Variants in RIPOR3 observed in about 807,000 individuals in gnomAD.
RIPOR3 encodes the protein family with sequence similarity 65 member C.
RIPOR3 carries 95 observed loss-of-function variants against 114.3 expected under a neutral mutation model. That is an observed-to-expected ratio of 0.83 (90% CI 0.70 to 0.99). RIPOR3 has a LOEUF of 0.99. Among genes scored for constraint, RIPOR3 ranks in the 50% least tolerant of loss-of-function variants. RIPOR3 has a pLI of 0.00. For missense variants in RIPOR3, 1,252 were observed against 1,266.9 expected (o/e 0.99, Z 0.18); for synonymous variants, 575 against 543.8 (o/e 1.06, Z -0.80).
chr20:50,690,312 C>A (rs1389194610), intron 1 of RIPOR3, among the ~76,000 whole-genome samples: 1 of 152,178 alleles, frequency 6.6e-6, no homozygotes, highest in East Asian at 1.9e-4. Flanking sequence ...ACATATTAAC[C>A]CTCTTCTCTC....
intron 1 of RIPOR3, among the ~76,000 whole-genome samples, chr20:50,652,991 G>A (rs1038927337): frequency 3.3e-5 from 5 of 152,132 alleles, no homozygotes; most frequent in African/African-American, 4.8e-5. Context: ...ATATGTCCAC[G>A]CAAAACCCAT....
chr20:50,626,537 G>A (rs374184334), intron 2 of RIPOR3, among the ~76,000 whole-genome samples: 1 of 152,230 alleles, frequency 6.6e-6, no homozygotes, highest in African/African-American at 2.4e-5. Context: ...CCAACGAGAG[G>A]CAGAGGCCTA....
chr20:50,675,268 C>T (rs573452983), intron 1 of RIPOR3, among the ~76,000 whole-genome samples: 4 of 152,300 alleles, frequency 2.6e-5, no homozygotes, highest in Non-Finnish European at 4.4e-5. Flanking sequence ...TGTGAAAGAA[C>T]GAGTTTCTGT....
chr20:50,660,946 A>AT (rs1158667561), intron 1 of RIPOR3, among the ~76,000 whole-genome samples: 14 of 151,098 alleles, frequency 9.3e-5, no homozygotes, highest in Non-Finnish European at 1.6e-4. Context: ...AAAAAAAAAA[A>AT]TTTTGTAGAG....
chr20:50,609,652 G>A lies in RIPOR3; in HGVS notation c.497C>T (p.Ala166Val). The A allele has an allele frequency of 7.1e-7, 1 of 1,398,694 alleles. No homozygotes were observed. The highest frequency in any genetic ancestry group is 9.3e-7 in the Non-Finnish European group (1 of 1,078,730). The allele number at this position is 1,398,694 out of a possible 1,614,324, so 86.6% of individuals were successfully genotyped here. Residue 166 changes from alanine to valine, a missense_variant, in exon 7 of 22, where the codon GCC becomes GTC. Physicochemically the swap from Ala to Val is moderately conservative, Grantham distance 64. Coordinates refer to ENST00000327979, the MANE Select transcript of RIPOR3 (RefSeq NM_001290268.2). ...LRDGASSMQR[A>V]FARCPPSRAA... ...GCGGCTCGGGGGGCACCGGGCGAAG[G>A]CCCGCTGCATGCTGGAGGCGCCGTC...
intron 1 of RIPOR3, among the ~76,000 whole-genome samples, chr20:50,683,545 T>C (rs1017017754): frequency 6.6e-6 from 1 of 151,828 alleles, no homozygotes; most frequent in Non-Finnish European, 1.5e-5. Flanking sequence ...CTCCAGCTCC[T>C]GGGTTCAAGT....
At chr20:50,682,849 T>C (rs2086902783) in intron 1 of RIPOR3, among the ~76,000 whole-genome samples, 1 of 151,732 alleles carries the variant, frequency 6.6e-6, no homozygotes, top group African/African-American at 2.4e-5. Flanking sequence ...TGCCTCGGCC[T>C]CCCTAGTAGC....
At chr20:50,646,338 C>T (rs1184071162) in intron 1 of RIPOR3, among the ~76,000 whole-genome samples, 1 of 152,040 alleles carries the variant, frequency 6.6e-6, no homozygotes, top group East Asian at 1.9e-4. Context: ...TGTGATGTTG[C>T]CCAGTCTGGT....
chr20:50,610,798 C>G, intron 6 of RIPOR3, 55 bp downstream of exon 6: 1 of 1,611,610 alleles, frequency 6.2e-7, no homozygotes, highest in Admixed American at 1.7e-5. Flanking sequence ...CTAGCTGAGG[C>G]CCAGCAAGCT....
At position 50,627,079 on chromosome 20, in the gene RIPOR3, G is replaced by A. The variant is rs1293604812; in HGVS notation, c.122+3659C>T. 2.0e-5 allele frequency among the ~76,000 whole-genome samples: 3 copies of A among 152,098 alleles called. 1 individual carries two copies. The highest frequency in any genetic ancestry group is 4.4e-5 in the Non-Finnish European group (3 of 68,026). ...TGCCTGTAGTCCCAGCTACTCAGGAGGCTGAGGCAGAAGAATTGCTTGAAC... is the reference window on the plus strand; with the variant it reads ...TGCCTGTAGTCCCAGCTACTCAGGAAGCTGAGGCAGAAGAATTGCTTGAAC... On this transcript the variant is annotated intron_variant, in intron 2 of 21. Coordinates refer to ENST00000327979, the MANE Select transcript of RIPOR3 (RefSeq NM_001290268.2).
intron 1 of RIPOR3, among the ~76,000 whole-genome samples, chr20:50,647,478 CTTTTTTT>C (rs942940961): frequency 1.0e-3 from 105 of 100,352 alleles, no homozygotes; most frequent in African/African-American, 1.0e-3. Context: ...GCCTCATTCT[CTTTTTTT>C]TTTTTTTTTT....
intron 6 of RIPOR3, 56 bp downstream of exon 6, chr20:50,610,797 G>T: frequency 1.2e-6 from 2 of 1,610,528 alleles, no homozygotes; most frequent in East Asian, 4.5e-5. Context: ...CCTAGCTGAG[G>T]CCCAGCAAGC....
chr20:50,688,356 T>C (rs2087097383), intron 1 of RIPOR3, among the ~76,000 whole-genome samples: 1 of 152,110 alleles, frequency 6.6e-6, no homozygotes, highest in African/African-American at 2.4e-5. Flanking sequence ...GGTCTTGTTA[T>C]GTTGCCCAGG....
chr20:50,686,191 G>A (rs868705959), intron 1 of RIPOR3, among the ~76,000 whole-genome samples: 76 of 151,786 alleles, frequency 5.0e-4, no homozygotes, highest in African/African-American at 1.8e-3. Flanking sequence ...CGAGTGGCTG[G>A]GATTACAGGC....
At chr20:50,679,125 A>ATAT (rs1600762089) in intron 1 of RIPOR3, among the ~76,000 whole-genome samples, 1 of 78,976 alleles carries the variant, frequency 1.3e-5, no homozygotes, top group African/African-American at 4.8e-5. Flanking sequence ...AAAAAAAAAA[A>ATAT]AAAAAAAAAA....
rs958229140 is a variant in RIPOR3 at position 50,596,567 on chromosome 20, G to A, written c.1791-304C>T. Among the ~76,000 whole-genome samples, 7 of 152,204 alleles carry A rather than the reference G, an allele frequency of 4.6e-5. 1 individual carries two copies. Among genetic ancestry groups the A allele is most frequent in the African/African-American group, 1.2e-4 (5 of 41,442 alleles). On this transcript the variant is annotated intron_variant, in intron 14 of 21. Coordinates refer to ENST00000327979, the MANE Select transcript of RIPOR3 (RefSeq NM_001290268.2). ...ACGCTGGACAAGTCTGCCTCCCCAA[G>A]GCTCAGGTGACTCATCTATCAAGGG...
At chr20:50,613,066 C>G (rs1378965022) in intron 4 of RIPOR3, among the ~76,000 whole-genome samples, 1 of 152,156 alleles carries the variant, frequency 6.6e-6, no homozygotes, top group Non-Finnish European at 1.5e-5. Flanking sequence ...GCACTTCACC[C>G]TGGGTGACAG....
chr20:50,685,819 C>A (rs1479393165), intron 1 of RIPOR3, among the ~76,000 whole-genome samples: 1,520 of 112,706 alleles, frequency 0.013, no homozygotes, highest in Middle Eastern at 0.02. Flanking sequence ...GACTCTGTCT[C>A]AAAAAAAAAA....
At chr20:50,646,158 C>T (rs1448766407) in intron 1 of RIPOR3, among the ~76,000 whole-genome samples, 3 of 151,990 alleles carry the variant, frequency 2.0e-5, no homozygotes, top group African/African-American at 7.3e-5. Flanking sequence ...GACAGGTTCT[C>T]ACTATGTCGC....
Sources: gnomAD v4.1 joint callset for allele counts (sites outside exome capture counted in the v4.1 genomes callset) on GRCh38, gnomAD v4.1.1 for gene constraint, MANE v1.5 for transcripts, NCBI Gene and HGNC (gene_info 2026-07-23, HGNC 2026-07-21) for gene names.